Variants in CNTN5 observed in about 807,000 individuals in gnomAD.
CNTN5 encodes the protein contactin 5.
In CNTN5, 77 loss-of-function variants were observed where a neutral mutation model predicts 129.1. That is an observed-to-expected ratio of 0.60 (90% confidence interval 0.50 to 0.72). The LOEUF is 0.72. Among genes scored for constraint, CNTN5 ranks in the 30% least tolerant of loss-of-function variants. CNTN5 has a pLI of 0.00. For synonymous variants in CNTN5, 509 were observed against 465.6 expected (o/e 1.09, Z -1.20); for missense variants, 1,478 against 1,328.8 (o/e 1.11, Z -1.75).
intron 3 of CNTN5, among the ~76,000 whole-genome samples, chr11:99,742,575 G>A (rs1006886855): frequency 6.6e-6 from 1 of 152,072 alleles, no homozygotes. Context: ...CTTTAATTCT[G>A]TCATTTATAG....
chr11:99,392,108 T>C (rs985879412), intron 2 of CNTN5, among the ~76,000 whole-genome samples: 1 of 150,938 alleles, frequency 6.6e-6, no homozygotes, highest in Non-Finnish European at 1.5e-5. Flanking sequence ...TAAGGCTCAG[T>C]TTTATAAAAT....
chr11:100,299,459 C>A lies in CNTN5; in HGVS notation c.2620+63C>A, dbSNP rs1951172447. On this transcript the variant is annotated intron_variant, in intron 20 of 24. Transcript: ENST00000524871. ...TTACTTTGTTATACAAATAATCAGA[C>A]ACCTTTGTACACATATTAGAAAATA... The A allele has an allele frequency of 4.3e-6, 4 of 935,612 alleles. No homozygotes were observed. The East Asian group carries it at 8.4e-5, about 20-fold the overall frequency. 58.0% of individuals were successfully genotyped at this position (935,612 alleles called of 1,614,324 possible). A position where few individuals can be genotyped will look rare whatever the true frequency, so the allele number is the denominator to read the frequency against.
At chr11:99,333,371 T>C (rs1555113711) in intron 2 of CNTN5, among the ~76,000 whole-genome samples, 1 of 151,968 alleles carries the variant, frequency 6.6e-6, no homozygotes, top group Non-Finnish European at 1.5e-5. Context: ...TGTAGTTGCT[T>C]ATACTTATAA....
At chr11:99,794,780 T>C (rs1945874262) in intron 3 of CNTN5, among the ~76,000 whole-genome samples, 1 of 152,218 alleles carries the variant, frequency 6.6e-6, no homozygotes, top group African/African-American at 2.4e-5. Flanking sequence ...ATGGTTTCTG[T>C]GGAAAGGCCC....
intron 8 of CNTN5, among the ~76,000 whole-genome samples, chr11:99,969,317 T>C (rs535860498): frequency 2.0e-5 from 3 of 152,316 alleles, no homozygotes; most frequent in African/African-American, 7.2e-5. Context: ...CAGAAATAAA[T>C]TTCTGAAAGA....
intron 3 of CNTN5, among the ~76,000 whole-genome samples, chr11:99,692,179 C>T (rs72983684): frequency 0.041 from 6,232 of 152,094 alleles, 136 homozygotes; most frequent in East Asian, 0.067. Context: ...ATGAATGGTT[C>T]GTGGTTCTTT....
At chr11:99,351,755 A>G (rs1938313834) in intron 2 of CNTN5, among the ~76,000 whole-genome samples, 1 of 152,164 alleles carries the variant, frequency 6.6e-6, no homozygotes, top group Admixed American at 6.5e-5. Context: ...AATGTTACTG[A>G]GGCTGTCATC....
chr11:99,948,740 G>T (rs1379813941), intron 7 of CNTN5, among the ~76,000 whole-genome samples: 1 of 152,158 alleles, frequency 6.6e-6, no homozygotes, highest in East Asian at 1.9e-4. Flanking sequence ...AGAGCACACT[G>T]CCTGGCACAT....
intron 1 of CNTN5, among the ~76,000 whole-genome samples, chr11:99,089,610 G>A (rs887811536): frequency 3.3e-5 from 5 of 152,076 alleles, no homozygotes; most frequent in Admixed American, 6.6e-5. Context: ...AAGTCATTTC[G>A]CATTAAACAA....
At chr11:99,820,053 G>C (rs376580561) in intron 4 of CNTN5, among the ~76,000 whole-genome samples, 1 of 152,136 alleles carries the variant, frequency 6.6e-6, no homozygotes, top group Non-Finnish European at 1.5e-5. Flanking sequence ...TAGAGAACCT[G>C]TTTCTTGATG....
At chr11:99,689,176 C>T (rs367772090) in intron 3 of CNTN5, among the ~76,000 whole-genome samples, 1 of 152,066 alleles carries the variant, frequency 6.6e-6, no homozygotes, top group East Asian at 1.9e-4. Context: ...TCTGAGAAAT[C>T]GCCACACTGT....
intron 18 of CNTN5, among the ~76,000 whole-genome samples, chr11:100,274,938 C>A (rs953856164): frequency 1.3e-5 from 2 of 152,106 alleles, no homozygotes; most frequent in Admixed American, 6.6e-5. Context: ...TACAACAAAC[C>A]CCCATGTCAC....
intron 3 of CNTN5, among the ~76,000 whole-genome samples, chr11:99,667,877 C>A (rs891865415): frequency 1.3e-5 from 2 of 151,902 alleles, no homozygotes; most frequent in Non-Finnish European, 2.9e-5. Flanking sequence ...ATCTGTGTAA[C>A]AAACCACCAT....
intron 15 of CNTN5, among the ~76,000 whole-genome samples, chr11:100,211,503 A>G (rs564101538): frequency 1.3e-5 from 2 of 152,208 alleles, no homozygotes; most frequent in South Asian, 4.1e-4. Context: ...TTTTTTTACC[A>G]ATGTCTTGGG....
chr11:99,053,504 G>C (rs1379889634), intron 1 of CNTN5, among the ~76,000 whole-genome samples: 2 of 151,850 alleles, frequency 1.3e-5, no homozygotes, highest in Non-Finnish European at 2.9e-5. Context: ...CATATGAGCT[G>C]ATTGATACAG....
intron 15 of CNTN5, among the ~76,000 whole-genome samples, chr11:100,220,918 C>T (rs1949249951): frequency 6.6e-6 from 1 of 152,170 alleles, no homozygotes; most frequent in Admixed American, 6.5e-5. Context: ...GAGGTATTGT[C>T]AGCTACACAC....
chr11:99,573,441 G>C (rs1471103019), intron 3 of CNTN5, among the ~76,000 whole-genome samples: 1 of 151,796 alleles, frequency 6.6e-6, no homozygotes, highest in Non-Finnish European at 1.5e-5. Context: ...GTGGTGGCAG[G>C]CGCCTGTAGT....
At chr11:99,449,578 T>G (rs1944214496) in intron 2 of CNTN5, among the ~76,000 whole-genome samples, 1 of 152,192 alleles carries the variant, frequency 6.6e-6, no homozygotes, top group Non-Finnish European at 1.5e-5. Flanking sequence ...GTAAAAATAA[T>G]TTATTATTTC....
chr11:100,317,960 G>C (rs751874704), intron 21 of CNTN5, among the ~76,000 whole-genome samples: 1 of 151,912 alleles, frequency 6.6e-6, no homozygotes, highest in African/African-American at 2.4e-5. Flanking sequence ...AGTATTTCTC[G>C]GCTGGGCGCG....
Sources: gnomAD v4.1 joint callset for allele counts (sites outside exome capture counted in the v4.1 genomes callset) on GRCh38, gnomAD v4.1.1 for gene constraint, MANE v1.5 for transcripts, NCBI Gene and HGNC (gene_info 2026-07-23, HGNC 2026-07-21) for gene names.